The following MACO1 variants were observed in gnomAD, a reference collection of about 807,000 sequenced individuals.
The protein encoded by MACO1 is macoilin 1.
MACO1 carries 14 observed loss-of-function variants against 78.7 expected under a neutral mutation model. The observed-to-expected ratio is 0.18, with a 90% CI of 0.12 to 0.28. MACO1 has a LOEUF of 0.28. MACO1 is among the 10% of genes least tolerant of loss of function. MACO1 has a pLI of 1.00. For missense variants in MACO1, 501 were observed against 799.0 expected, an observed-to-expected ratio of 0.63 and a Z score of 4.50; for synonymous variants, 288 against 291.6, an observed-to-expected ratio of 0.99 and a Z score of 0.12.
chr1:25,451,299 A>G (rs1282674331), intron 3 of MACO1, among the ~76,000 whole-genome samples: 2 of 152,204 alleles, frequency 1.3e-5, no homozygotes, highest in African/African-American at 4.8e-5. Context: ...ATTACAAAGA[A>G]TAATATTGTA....
rs181275268 is a variant in MACO1, at chr1:25,460,946, A to G, written c.1154+2054A>G. Among the ~76,000 whole-genome samples the G allele has an allele frequency of 8.1e-4, 124 of 152,218 alleles. No individual in the cohort carries two copies. In the Middle Eastern group the frequency reaches 0.02, roughly 25 times the overall value. Reference sequence around the variant, plus strand: ...ATAAGCTCCCATGGTATTATTTTCAACTTTTAATGTTATAAAAAATAAGGG... The same window carrying G: ...ATAAGCTCCCATGGTATTATTTTCAGCTTTTAATGTTATAAAAAATAAGGG... On this transcript the variant is annotated intron_variant, in intron 6 of 10. Transcript: ENST00000374343.
intron 6 of MACO1, among the ~76,000 whole-genome samples, chr1:25,481,809 A>G (rs1355809803): frequency 6.6e-6 from 1 of 152,166 alleles, no homozygotes; most frequent in African/African-American, 2.4e-5. Context: ...TTCCCTGGGG[A>G]GCAAGCTGTC....
At chr1:25,495,065 G>A (rs2043522843) in intron 10 of MACO1, among the ~76,000 whole-genome samples, 1 of 152,340 alleles carries the variant, frequency 6.6e-6, no homozygotes, top group African/African-American at 2.4e-5. Context: ...CAGGAATCCT[G>A]CTTTGAAGCC....
intron 10 of MACO1, among the ~76,000 whole-genome samples, chr1:25,494,022 T>C (rs995678174): frequency 4.6e-5 from 7 of 152,180 alleles, no homozygotes; most frequent in Non-Finnish European, 7.4e-5. Flanking sequence ...TGAGCCACCG[T>C]GCCCGGCCAG....
rs2043559254 is a variant in MACO1, at chr1:25,498,629, G to T, written c.*163G>T. 1.6e-6 allele frequency: 1 copy of T among 610,110 alleles called. No homozygotes were observed. 37.8% of individuals were successfully genotyped at this position (610,110 alleles called of 1,614,324 possible). A position where few individuals can be genotyped will look rare whatever the true frequency, so the allele number is the denominator to read the frequency against. ...AAAAGATAACATCCAAGTCTGATTAGAACTGCCCATCAGTTTTTCTTGTAA... is the reference window on the plus strand; with the variant it reads ...AAAAGATAACATCCAAGTCTGATTATAACTGCCCATCAGTTTTTCTTGTAA... On this transcript the variant is annotated 3_prime_UTR_variant, in exon 11 of 11. Transcript: ENST00000374343.
At chr1:25,435,922 T>A (rs2042915607) in intron 1 of MACO1, among the ~76,000 whole-genome samples, 1 of 152,368 alleles carries the variant, frequency 6.6e-6, no homozygotes, top group South Asian at 2.1e-4. Context: ...ATTATGATTC[T>A]TCCTGTCTGA....
intron 6 of MACO1, among the ~76,000 whole-genome samples, chr1:25,470,142 A>G (rs978839520): frequency 2.0e-5 from 3 of 152,256 alleles, no homozygotes; most frequent in African/African-American, 7.2e-5. Context: ...GTGAATAACT[A>G]TAAAACAGAG....
At chr1:25,441,368 A>G (rs1291124098) in intron 1 of MACO1, among the ~76,000 whole-genome samples, 4 of 152,136 alleles carry the variant, frequency 2.6e-5, no homozygotes, top group African/African-American at 9.7e-5. Flanking sequence ...TATTTTTAGT[A>G]GAGACGGGGT....
chr1:25,454,482 ATATATATT>A, intron 4 of MACO1, 100 bp downstream of exon 4: 1 of 161,400 alleles, frequency 6.2e-6, no homozygotes, highest in Non-Finnish European at 9.7e-6. Context: ...ATATATATAT[ATATATATT>A]TTTTTTTTTT....
chr1:25,433,730 A>G (rs2124565147), intron 1 of MACO1, among the ~76,000 whole-genome samples: 1 of 152,376 alleles, frequency 6.6e-6, no homozygotes, highest in East Asian at 1.9e-4. Flanking sequence ...CAGACAGGGC[A>G]TCCACAGCTT....
intron 3 of MACO1, among the ~76,000 whole-genome samples, chr1:25,453,427 G>A (rs2043085780): frequency 6.6e-6 from 1 of 151,102 alleles, no homozygotes; most frequent in African/African-American, 2.4e-5. Context: ...ACTTTGGGAG[G>A]CTGAGGTGGG....
At chr1:25,481,496 G>A (rs1279440512) in intron 6 of MACO1, among the ~76,000 whole-genome samples, 1 of 152,170 alleles carries the variant, frequency 6.6e-6, no homozygotes, top group Non-Finnish European at 1.5e-5. Flanking sequence ...ACCAGGCTTA[G>A]CCCCTATTTT....
intron 10 of MACO1, among the ~76,000 whole-genome samples, chr1:25,493,409 T>A (rs1305449301): frequency 2.0e-5 from 3 of 149,824 alleles, no homozygotes; most frequent in Non-Finnish European, 4.5e-5. Flanking sequence ...CCCAGCTAAT[T>A]TTTTTTTTTT....
At chr1:25,434,756 T>G (rs1440347335) in intron 1 of MACO1, among the ~76,000 whole-genome samples, 1 of 152,232 alleles carries the variant, frequency 6.6e-6, no homozygotes, top group African/African-American at 2.4e-5. Context: ...TACCTAACTC[T>G]TATATTTCTA....
intron 1 of MACO1, among the ~76,000 whole-genome samples, chr1:25,431,482 C>T (rs1035975589): frequency 5.3e-5 from 8 of 151,338 alleles, no homozygotes; most frequent in Admixed American, 3.9e-4. Flanking sequence ...CCAACCAGCC[C>T]GGCGTTCCTC....
At chr1:25,487,969 A>C (rs940595443) in intron 8 of MACO1, among the ~76,000 whole-genome samples, 28 of 152,128 alleles carry the variant, frequency 1.8e-4, no homozygotes, top group African/African-American at 6.8e-4. Context: ...AATATACCCT[A>C]GGTTGTTATA....
chr1:25,432,856 G>A (rs541793292), intron 1 of MACO1, among the ~76,000 whole-genome samples: 4 of 152,276 alleles, frequency 2.6e-5, no homozygotes, highest in Admixed American at 2.0e-4. Flanking sequence ...CGTGTTTTCT[G>A]CTGTATTTCC....
chr1:25,487,023 A>T lies in MACO1; in HGVS notation c.1496+1228A>T, dbSNP rs151298543. On this transcript the variant is annotated intron_variant, in intron 8 of 10. Coordinates refer to ENST00000374343, the MANE Select transcript of MACO1 (RefSeq NM_018202.6). ...CTCAGGAGGACATAGCAGTTCCTTA[A>T]CGATATTGCTTAGTGTCTCCCATGC... Among the ~76,000 whole-genome samples, 141 of 152,266 alleles carry T rather than the reference A, an allele frequency of 9.3e-4. 1 individual carries two copies. Among genetic ancestry groups the T allele is most frequent in the African/African-American group, 3.2e-3 (132 of 41,542 alleles).
rs878950079 is a variant in MACO1 at position 25,484,423 on chromosome 1, A to G, written c.1313+149A>G. 1.6e-5 allele frequency: 11 copies of G among 695,518 alleles called. No homozygotes were observed. The South Asian group carries it at 4.0e-4, about 25-fold the overall frequency. The allele number at this position is 695,518 out of a possible 1,614,324, so 43.1% of individuals were successfully genotyped here. On this transcript the variant is annotated intron_variant, in intron 7 of 10. Coordinates refer to ENST00000374343, the MANE Select transcript of MACO1 (RefSeq NM_018202.6). ...TTTAAAATACTTTATTTAGTACCAGATATTCAACATGTTTATAAAATCTAT... is the reference window on the plus strand; with the variant it reads ...TTTAAAATACTTTATTTAGTACCAGGTATTCAACATGTTTATAAAATCTAT...
Sources: allele counts gnomAD v4.1 joint callset (sites outside exome capture counted in the v4.1 genomes callset), GRCh38; gene constraint gnomAD v4.1.1; transcripts MANE v1.5; gene names NCBI Gene and HGNC (gene_info 2026-07-23, HGNC 2026-07-21).